Variants in KCNK12 observed in about 807,000 individuals in gnomAD.
The protein encoded by KCNK12 is potassium channel subfamily K member 12.
In KCNK12, 6 loss-of-function variants were observed where a neutral mutation model predicts 25.3. That is an observed-to-expected ratio of 0.24 (90% CI 0.13 to 0.47). KCNK12 has a LOEUF of 0.47. Among genes scored for constraint, KCNK12 ranks in the 20% least tolerant of loss-of-function variants. KCNK12 has a pLI of 0.99. For missense variants in KCNK12, 444 were observed against 661.7 expected, an observed-to-expected ratio of 0.67 and a Z score of 3.61; for synonymous variants, 331 against 311.1, an observed-to-expected ratio of 1.06 and a Z score of -0.67.
Position 47,570,810 on chromosome 2 carries a change from G to T in KCNK12, c.-479C>A, listed in dbSNP as rs1193253856. 6.6e-6 allele frequency: 1 copy of T among 152,236 alleles called. No homozygotes were observed. Among genetic ancestry groups the T allele is most frequent in the Non-Finnish European group, 1.5e-5 (1 of 68,096 alleles). The allele number at this position is 152,236 out of a possible 1,614,324, so 9.4% of individuals were successfully genotyped here. ...GAGAGAGCCCCCGGGGGCGTCCCAT[G>T]AGGCGTTCGGGATCGGCGCCTCCTA... On this transcript the variant is annotated 5_prime_UTR_variant, in exon 1 of 2. Transcript: ENST00000327876.
chr2:47,548,229 AAC>A lies in KCNK12; in HGVS notation c.391+21710_391+21711del, dbSNP rs1187641210. 6.6e-6 allele frequency among the ~76,000 whole-genome samples: 1 copy of A among 152,208 alleles called. No individual in the cohort carries two copies. The highest frequency in any genetic ancestry group is 2.4e-5 in the African/African-American group (1 of 41,446). ...CTCAGGTATCTTCTTCAGTGATGAT[AAC>A]ATTGCTTTAGCCAGGGTTAAGAACC... is the stretch of plus-strand genomic sequence containing the variant. On this transcript the variant is annotated intron_variant, in intron 1 of 1. Coordinates refer to ENST00000327876, the MANE Select transcript of KCNK12 (RefSeq NM_022055.2). The surrounding 1 kb of genome is among the most constrained non-coding windows in gnomAD (Gnocchi z 4.4).
intron 1 of KCNK12, among the ~76,000 whole-genome samples, chr2:47,558,030 C>T (rs1669585365): frequency 6.6e-6 from 1 of 152,246 alleles, no homozygotes; most frequent in South Asian, 2.1e-4. Context: ...AGGTCATCAT[C>T]TGATCATCAT....
Position 47,525,375 on chromosome 2 carries a change from C to T in KCNK12, c.392-3567G>A, listed in dbSNP as rs938823890. ...GACTTATGGAGTGTCAGCAAGAGCC[C>T]GGCAGCTCACTTCCTAGCTGGCTGG... On this transcript the variant is annotated intron_variant, in intron 1 of 1. Coordinates refer to ENST00000327876, the MANE Select transcript of KCNK12 (RefSeq NM_022055.2). The surrounding 1 kb of genome is among the most constrained non-coding windows in gnomAD (Gnocchi z 4.1). Among the ~76,000 whole-genome samples the T allele has an allele frequency of 6.6e-6, 1 of 152,134 alleles. No individual in the cohort carries two copies. The highest frequency in any genetic ancestry group is 1.5e-5 in the Non-Finnish European group (1 of 68,022).
Position 47,521,625 on chromosome 2 carries a change from G to T in KCNK12, c.575C>A (p.Ala192Asp). The T allele has an allele frequency of 6.3e-7, 1 of 1,580,398 alleles. No homozygotes were observed. ...RQLRRSGLLPATFRRGSALSE... is the reference protein window; with the variant it reads ...RQLRRSGLLPDTFRRGSALSE... ...GAGCGCGGAGCCGCGGCGGAAGGTG[G>T]CGGGCAGCAGGCCGCTGCGGCGCAG... The change falls in exon 2 of 2, where the codon GCC (alanine) becomes GAC (aspartate). Residue 192 changes from alanine to aspartate, a missense_variant. By Grantham distance (126) the Ala-to-Asp change is moderately radical. Transcript: ENST00000327876.
chr2:47,564,058 A>G, intron 1 of KCNK12: 1 of 231,310 alleles, frequency 4.3e-6, no homozygotes, highest in Non-Finnish European at 8.6e-6. Flanking sequence ...AACTTCCCAA[A>G]GGAAGCTGCT....
rs369887557 is a variant in KCNK12, at chr2:47,549,369, T to C, written c.391+20572A>G. On this transcript the variant is annotated intron_variant, in intron 1 of 1. Coordinates refer to ENST00000327876, the MANE Select transcript of KCNK12 (RefSeq NM_022055.2). ...CAAAGTCCAACCCTGCTTGAAAGAG[T>C]ACAAAACAATCAAGCATCAACAATG... Among the ~76,000 whole-genome samples, 5 of 151,974 alleles carry C rather than the reference T, an allele frequency of 3.3e-5. No homozygotes were observed. The East Asian group carries it at 7.7e-4, about 24-fold the overall frequency.
At chr2:47,526,479 C>A (rs1003610379) in intron 1 of KCNK12, among the ~76,000 whole-genome samples, 1 of 146,162 alleles carries the variant, frequency 6.8e-6, no homozygotes, top group Non-Finnish European at 1.5e-5. Flanking sequence ...CGCCTGTAAT[C>A]CCCAGCACTT....
chr2:47,570,074 G>T lies in KCNK12; in HGVS notation c.258C>A (p.Ala86=). 3 of 1,385,290 alleles carry T rather than the reference G, an allele frequency of 2.2e-6. No homozygotes were observed. The highest frequency in any genetic ancestry group is 2.8e-6 in the Non-Finnish European group (3 of 1,070,096). The allele number at this position is 1,385,290 out of a possible 1,614,324, so 85.8% of individuals were successfully genotyped here. The change falls in exon 1 of 2, where the codon GCC becomes GCA. Residue 86 remains alanine (A), a synonymous_variant. Coordinates refer to ENST00000327876, the MANE Select transcript of KCNK12 (RefSeq NM_022055.2). ...LRNFSAAHGV[A]EPELRAFLRH... ...GGAGGAAGGCGCGCAGCTCTGGCTC[G>T]GCCACGCCGTGCGCAGCGCTGAAGT...
intron 1 of KCNK12, chr2:47,534,731 T>C (rs1669023397): frequency 5.7e-6 from 1 of 175,520 alleles, no homozygotes; most frequent in South Asian, 2.0e-4. Flanking sequence ...GTGGGGCTTG[T>C]GTGGGGAACA....
chr2:47,541,135 C>A (rs2104813791), intron 1 of KCNK12, among the ~76,000 whole-genome samples: 1 of 152,304 alleles, frequency 6.6e-6, no homozygotes, highest in East Asian at 1.9e-4. Context: ...TAGAGCTGCG[C>A]CCCAGTACCT....
At chr2:47,539,718 C>G (rs115822863) in intron 1 of KCNK12, among the ~76,000 whole-genome samples, 1 of 152,026 alleles carries the variant, frequency 6.6e-6, no homozygotes, top group Non-Finnish European at 1.5e-5. Context: ...GCTGTGCGGA[C>G]GCCAGACTGC....
At chr2:47,568,559 C>T (rs1265549099) in intron 1 of KCNK12, among the ~76,000 whole-genome samples, 1 of 152,138 alleles carries the variant, frequency 6.6e-6, no homozygotes, top group African/African-American at 2.4e-5. Context: ...TATACATATA[C>T]ACTTAGAGAG....
At chr2:47,567,339 G>T (rs1669804401) in intron 1 of KCNK12, among the ~76,000 whole-genome samples, 1 of 152,124 alleles carries the variant, frequency 6.6e-6, no homozygotes, top group Non-Finnish European at 1.5e-5. Context: ...TGTGGACTGA[G>T]GTTTTGCTCC....
intron 1 of KCNK12, chr2:47,535,136 G>A (rs977292017): frequency 4.8e-5 from 11 of 231,512 alleles, no homozygotes; most frequent in African/African-American, 2.4e-4. Context: ...CCCATGCTTG[G>A]TCTTCCCACA....
intron 1 of KCNK12, among the ~76,000 whole-genome samples, chr2:47,541,937 G>A (rs1286671810): frequency 6.6e-6 from 1 of 152,210 alleles, no homozygotes; most frequent in Non-Finnish European, 1.5e-5. Flanking sequence ...CTTGGCTGCA[G>A]AAGCCCCACG....
chr2:47,524,511 C>T (rs1274592121), intron 1 of KCNK12, among the ~76,000 whole-genome samples: 3 of 152,190 alleles, frequency 2.0e-5, no homozygotes, highest in South Asian at 2.1e-4. Flanking sequence ...GGCCAAACTA[C>T]AGCCTTTTTT....
intron 1 of KCNK12, among the ~76,000 whole-genome samples, chr2:47,561,123 C>T (rs1669660319): frequency 6.6e-6 from 1 of 152,162 alleles, no homozygotes; most frequent in Non-Finnish European, 1.5e-5. Context: ...GGCTTCCCTG[C>T]TACTCTTCAA....
chr2:47,568,036 T>C (rs893235389), intron 1 of KCNK12, among the ~76,000 whole-genome samples: 5 of 152,036 alleles, frequency 3.3e-5, no homozygotes, highest in East Asian at 1.9e-4. Context: ...CCACAGGCCA[T>C]TGGAATGGGG....
In KCNK12 at chr2:47,570,062, C is replaced by T; in HGVS notation, c.270G>A (p.Leu90=). 2.1e-6 allele frequency: 3 copies of T among 1,411,264 alleles called. No homozygotes were observed. Among genetic ancestry groups the T allele is most frequent in the Non-Finnish European group, 2.8e-6 (3 of 1,083,700 alleles). The allele number at this position is 1,411,264 out of a possible 1,614,324, so 87.4% of individuals were successfully genotyped here. The change falls in exon 1 of 2, where the codon CTG becomes CTA. Residue 90 remains leucine (L), a synonymous_variant. Transcript: ENST00000327876. ...CCTCGTAGTGCCGGAGGAAGGCGCG[C>T]AGCTCTGGCTCGGCCACGCCGTGCG... ...SAAHGVAEPE[L]RAFLRHYEAA... is the part of the protein sequence containing the mutation.
Sources: gnomAD v4.1 joint callset for allele counts (sites outside exome capture counted in the v4.1 genomes callset) on GRCh38, gnomAD v4.1.1 for gene constraint, Gnocchi (gnomAD v3.1) non-coding constraint, MANE v1.5 for transcripts, NCBI Gene and HGNC (gene_info 2026-07-23, HGNC 2026-07-21) for gene names.